Variants in HYDIN observed in about 807,000 individuals in gnomAD.
The protein encoded by HYDIN is axonemal central pair apparatus protein HYDIN.
A neutral mutation model predicts 403.9 loss-of-function variants in HYDIN; 132 were observed. The observed-to-expected ratio is 0.33, with a 90% CI of 0.28 to 0.38. The LOEUF (loss-of-function observed/expected upper bound fraction) is 0.38, where lower values mean the gene tolerates loss of function less well. HYDIN is among the 10% of genes least tolerant of loss of function. The pLI, the probability that HYDIN is intolerant of heterozygous loss-of-function variation, is 1.00. For missense variants in HYDIN, 2,827 were observed against 5,009.5 expected, an observed-to-expected ratio of 0.56 and a Z score of 13.15; for synonymous variants, 1,202 against 1,891.7, an observed-to-expected ratio of 0.64 and a Z score of 9.46.
intron 75 of HYDIN, among the ~76,000 whole-genome samples, chr16:70,841,717 C>T (rs1567688617): frequency 6.6e-6 from 1 of 152,120 alleles, no homozygotes; most frequent in Non-Finnish European, 1.5e-5. Context: ...TCTCTCTCTT[C>T]CTCCTGCCCC....
intron 1 of HYDIN, among the ~76,000 whole-genome samples, chr16:71,211,501 G>A (rs528417102): frequency 1.2e-4 from 19 of 152,148 alleles, no homozygotes; most frequent in African/African-American, 4.3e-4. Context: ...AATTAGCCGG[G>A]CGTGGTGAGG....
chr16:71,209,017 G>A (rs771295020), intron 1 of HYDIN, among the ~76,000 whole-genome samples: 1 of 151,920 alleles, frequency 6.6e-6, no homozygotes, highest in African/African-American at 2.4e-5. Context: ...ACAATTGAAG[G>A]GGAGGGAGTC....
At position 70,830,838 on chromosome 16, in the gene HYDIN, A is replaced by G. The variant is rs572215660; in HGVS notation, c.13900-1008T>C. On this transcript the variant is annotated intron_variant, in intron 80 of 85. Transcript: ENST00000393567. ...GAGATCGGGAGCTCAGGTTTCATAC[A>G]TGTTAAATTTGAGATGCCTATTCGT... is the stretch of plus-strand genomic sequence containing the variant. 3.9e-5 allele frequency among the ~76,000 whole-genome samples: 6 copies of G among 152,318 alleles called. 1 individual carries two copies. In the South Asian group the frequency reaches 8.3e-4, roughly 21 times the overall value.
At chr16:71,169,936 T>A (rs1189982369) in intron 5 of HYDIN, among the ~76,000 whole-genome samples, 1 of 152,188 alleles carries the variant, frequency 6.6e-6, no homozygotes, top group Admixed American at 6.5e-5. Flanking sequence ...ACACCACAAA[T>A]ATATACAATT....
intron 18 of HYDIN, among the ~76,000 whole-genome samples, chr16:71,033,825 T>C (rs78417505): frequency 0.028 from 4,185 of 151,684 alleles, 470 homozygotes; most frequent in Admixed American, 0.21. Flanking sequence ...TGCTTTGTCA[T>C]TTAGATCAAT....
At position 71,070,267 on chromosome 16, in the gene HYDIN, C is replaced by CTTTCTT. The variant is rs1555632578; in HGVS notation, c.1739-766_1739-765insAAGAAA. On this transcript the variant is annotated intron_variant, in intron 13 of 85. Transcript: ENST00000393567. ...CTTTTCTTTCTTTCTTTCTTTCTTT[C>CTTTCTT]TCTCTCCTTCCTTCCTTCCTTCCTT... 2.6e-4 allele frequency among the ~76,000 whole-genome samples: 38 copies of CTTTCTT among 147,766 alleles called. 1 individual carries two copies. Among genetic ancestry groups the CTTTCTT allele is most frequent in the Middle Eastern group, 7.0e-3 (2 of 284 alleles).
intron 1 of HYDIN, among the ~76,000 whole-genome samples, chr16:71,208,287 T>C (rs1338243380): frequency 6.6e-6 from 1 of 152,080 alleles, no homozygotes; most frequent in Non-Finnish European, 1.5e-5. Context: ...CATACAACTG[T>C]ATGAAAGTTA....
At chr16:70,840,889 A>G (rs9927184) in intron 75 of HYDIN, among the ~76,000 whole-genome samples, 6,109 of 152,066 alleles carry the variant, frequency 0.04, 382 homozygotes, top group African/African-American at 0.14. Flanking sequence ...TCACAAGGTA[A>G]TATGTGACTC....
At chr16:71,025,756 G>GAGGC (rs1245096993) in intron 20 of HYDIN, among the ~76,000 whole-genome samples, 1 of 143,488 alleles carries the variant, frequency 7.0e-6, no homozygotes, top group Non-Finnish European at 1.5e-5. Flanking sequence ...TGACTGCCCT[G>GAGGC]AGGCAGTTGA....
chr16:70,825,114 T>C (rs1202761757), intron 83 of HYDIN, among the ~76,000 whole-genome samples: 5 of 152,202 alleles, frequency 3.3e-5, no homozygotes, highest in Non-Finnish European at 7.3e-5. Flanking sequence ...CATAAGAGTT[T>C]TGTCTGGAAA....
intron 41 of HYDIN, among the ~76,000 whole-genome samples, chr16:70,945,128 G>A (rs1037193536): frequency 6.6e-6 from 1 of 152,224 alleles, no homozygotes; most frequent in African/African-American, 2.4e-5. Context: ...TGTCACTGTG[G>A]TCAGGGCAGG....
At chr16:70,874,750 G>C (rs1055750223) in intron 63 of HYDIN, 67 bp downstream of exon 63, 758 of 1,528,220 alleles carry the variant, frequency 5.0e-4, no homozygotes, top group Non-Finnish European at 5.9e-4. Flanking sequence ...GCTGGGCCTT[G>C]AGTGGTCCCC....
chr16:71,026,296 G>T (rs1597580969), intron 20 of HYDIN, among the ~76,000 whole-genome samples: 1 of 152,148 alleles, frequency 6.6e-6, no homozygotes, highest in Admixed American at 6.5e-5. Context: ...AAAGCAGAAA[G>T]GATCAAAAGT....
chr16:71,133,358 G>A (rs1229425162), intron 8 of HYDIN: 1 of 437,714 alleles, frequency 2.3e-6, no homozygotes, highest in Non-Finnish European at 4.5e-6. Flanking sequence ...TGAAGAACTA[G>A]AGATCCTCTC....
chr16:70,835,925 C>T (rs1351870937), intron 77 of HYDIN, 91 bp from the exon 78 acceptor site: 1 of 680,478 alleles, frequency 1.5e-6, no homozygotes, highest in Non-Finnish European at 2.6e-6. Flanking sequence ...AAGGGTGGTT[C>T]CTTCTCTTTC....
chr16:70,906,901 TCTC>T (rs1297190771), intron 50 of HYDIN, among the ~76,000 whole-genome samples: 4 of 152,176 alleles, frequency 2.6e-5, no homozygotes, highest in African/African-American at 9.7e-5. Context: ...CTCTTTCTCA[TCTC>T]CTTGCTCCTC....
chr16:71,130,347 C>T (rs900450767), intron 8 of HYDIN, among the ~76,000 whole-genome samples: 1 of 152,122 alleles, frequency 6.6e-6, no homozygotes, highest in African/African-American at 2.4e-5. Flanking sequence ...TCCTCTAAGC[C>T]TCAGTGCCTT....
intron 44 of HYDIN, among the ~76,000 whole-genome samples, chr16:70,937,710 C>G (rs1597367822): frequency 6.9e-6 from 1 of 145,604 alleles, no homozygotes; most frequent in East Asian, 2.0e-4. Context: ...ACTGTAGCAG[C>G]AGGGAGGGCA....
chr16:70,843,340 AT>A (rs1217019107), intron 75 of HYDIN, among the ~76,000 whole-genome samples: 3 of 141,618 alleles, frequency 2.1e-5, no homozygotes, highest in Non-Finnish European at 4.5e-5. Context: ...ATGATTTCCA[AT>A]TTCATCCATG....
Sources: allele counts gnomAD v4.1 joint callset (sites outside exome capture counted in the v4.1 genomes callset), GRCh38; gene constraint gnomAD v4.1.1; transcripts MANE v1.5; gene names NCBI Gene and HGNC (gene_info 2026-07-23, HGNC 2026-07-21).